Variants in LRRTM3 observed in about 807,000 individuals in gnomAD.
LRRTM3 encodes leucine rich repeat transmembrane neuronal 3.
LRRTM3 carries 24 observed loss-of-function variants against 44.7 expected under a neutral mutation model. The ratio of observed to expected loss-of-function variants is 0.54; its 90% CI spans 0.39 to 0.76. The LOEUF (loss-of-function observed/expected upper bound fraction) is 0.76, where lower values mean the gene tolerates loss of function less well. Ranked by LOEUF, LRRTM3 falls within the 30% of genes least tolerant of loss-of-function variation. The pLI is 0.00. For missense variants in LRRTM3, 587 were observed against 702.2 expected (o/e 0.84, Z 1.85); for synonymous variants, 277 against 278.7 (o/e 0.99, Z 0.06).
chr10:66,928,929 T>G (rs1205594449), intron 2 of LRRTM3, among the ~76,000 whole-genome samples: 1 of 152,124 alleles, frequency 6.6e-6, no homozygotes, highest in Admixed American at 6.5e-5. Context: ...TATGGGAACA[T>G]TTTACAGACA....
At position 67,083,691 on chromosome 10, in the gene LRRTM3, T is replaced by C. The variant is rs548946460; in HGVS notation, c.1537-13896T>C. On this transcript the variant is annotated intron_variant, in intron 2 of 2. Transcript: ENST00000361320. ...GGCTTTCCCTCTACCCTATCAATAATACATATATGTCTCAGTTTCATGTCC... is the reference window on the plus strand; with the variant it reads ...GGCTTTCCCTCTACCCTATCAATAACACATATATGTCTCAGTTTCATGTCC... Among the ~76,000 whole-genome samples, 5 of 152,278 alleles carry C rather than the reference T, an allele frequency of 3.3e-5. No individual in the cohort carries two copies. The South Asian group carries it at 8.3e-4, about 25-fold the overall frequency.
chr10:66,928,433 C>T lies in LRRTM3; in HGVS notation c.1517C>T (p.Ser506Leu), dbSNP rs756957377. The T allele has an allele frequency of 9.9e-6, 16 of 1,609,462 alleles. No homozygotes were observed. Among genetic ancestry groups the T allele is most frequent in the Non-Finnish European group, 1.3e-5 (15 of 1,178,396 alleles). ...ACGGGACCCTGCACCTATAACAAAT[C>T]GGGCTCCAGGGAGTGTGAGGTATGA... Reference protein sequence around the residue: ...NGTGPCTYNKSGSRECEIPLS... With the variant: ...NGTGPCTYNKLGSRECEIPLS... The change falls in exon 2 of 3, where the codon TCG becomes TTG. Residue 506 changes from serine (S) to leucine (L), a missense_variant. Around this residue, in one of 3 missense-constraint regions of LRRTM3, gnomAD observed 315 missense variants for 335.6 expected, o/e 0.94. Coordinates refer to ENST00000361320, the MANE Select transcript of LRRTM3 (RefSeq NM_178011.5).
At chr10:66,937,047 G>A (rs1847746786) in intron 2 of LRRTM3, among the ~76,000 whole-genome samples, 1 of 152,100 alleles carries the variant, frequency 6.6e-6, no homozygotes, top group African/African-American at 2.4e-5. Context: ...AGCCAAGGCA[G>A]GGTAAATAAT....
At chr10:67,025,153 A>AAAGGAAGGAAGGAAGGAAGGAAGG (rs1221696371) in intron 2 of LRRTM3, among the ~76,000 whole-genome samples, 1 of 149,246 alleles carries the variant, frequency 6.7e-6, no homozygotes, top group African/African-American at 2.5e-5. Context: ...AAAAAGAAAG[A>AAAGGAAGGAAGGAAGGAAGGAAGG]AAGGAAGGAA....
At position 67,097,580 on chromosome 10, in the gene LRRTM3, TC is replaced by T. The variant is rs753802889; in HGVS notation, c.1537-3del. 47 of 1,611,082 alleles carry T rather than the reference TC, an allele frequency of 2.9e-5. No homozygotes were observed. The highest frequency in any genetic ancestry group is 3.9e-5 in the Non-Finnish European group (46 of 1,178,156). On this transcript the variant is annotated splice_region_variant and splice_polypyrimidine_tract_variant and intron_variant, in intron 2 of 2. Transcript: ENST00000361320. ...TAACTGACTTTTCTCATGTCATTTT[TC>T]CCCAGATACCTTTATCAATGAATGT...
intron 2 of LRRTM3, among the ~76,000 whole-genome samples, chr10:67,080,890 G>GAGAGC (rs1329576047): frequency 6.7e-6 from 1 of 149,314 alleles, no homozygotes; most frequent in African/African-American, 2.5e-5. Flanking sequence ...GCCTGGGCGA[G>GAGAGC]AGAGCGAGAC....
chr10:66,942,987 C>T (rs1392343115), intron 2 of LRRTM3, among the ~76,000 whole-genome samples: 6 of 152,134 alleles, frequency 3.9e-5, no homozygotes, highest in Non-Finnish European at 8.8e-5. Flanking sequence ...ACTTTTCTTT[C>T]TTCCCAGGGC....
intron 2 of LRRTM3, among the ~76,000 whole-genome samples, chr10:67,032,580 A>G (rs1342992472): frequency 6.6e-6 from 1 of 152,206 alleles, no homozygotes; most frequent in Non-Finnish European, 1.5e-5. Context: ...ACTGCCAGGT[A>G]TTAAGCATCA....
At chr10:67,070,105 A>G (rs1463783840) in intron 2 of LRRTM3, among the ~76,000 whole-genome samples, 3 of 152,296 alleles carry the variant, frequency 2.0e-5, no homozygotes, top group South Asian at 2.1e-4. Flanking sequence ...AGTGTGTAGT[A>G]TTATCACATT....
Position 66,926,186 on chromosome 10 carries a change from G to A in LRRTM3, c.-398G>A, listed in dbSNP as rs1346088475. The A allele has an allele frequency of 1.7e-5, 8 of 457,676 alleles. No homozygotes were observed. Among genetic ancestry groups the A allele is most frequent in the Non-Finnish European group, 3.1e-5 (7 of 229,062 alleles). The allele number at this position is 457,676 out of a possible 1,614,324, so 28.4% of individuals were successfully genotyped here. On this transcript the variant is annotated 5_prime_UTR_variant, in exon 1 of 3. The change creates a new upstream start codon in the 5' untranslated region. Transcript: ENST00000361320. ...AACTGCTGGGGTATGGAATACAGAT[G>A]TGGCAGCTCAGGTAGCCCCAAATTG...
rs574210070 is a variant in LRRTM3, at chr10:66,955,846, C to T, written c.1536+27394C>T. The stretch of plus-strand genomic sequence containing the variant: ...GATGAGGGATTTCAAATTCTTGGAG[C>T]CCATTGTGTCTCACCTTCATCACCA... On this transcript the variant is annotated intron_variant, in intron 2 of 2. Coordinates refer to ENST00000361320, the MANE Select transcript of LRRTM3 (RefSeq NM_178011.5). 3.7e-4 allele frequency among the ~76,000 whole-genome samples: 57 copies of T among 152,226 alleles called. No individual in the cohort carries two copies. In the South Asian group the frequency reaches 0.012, roughly 32 times the overall value.
intron 2 of LRRTM3, among the ~76,000 whole-genome samples, chr10:67,063,318 C>A (rs1439428834): frequency 6.6e-6 from 1 of 152,102 alleles, no homozygotes; most frequent in Non-Finnish European, 1.5e-5. Context: ...TTTTGGGGAA[C>A]AACATAGCCT....
chr10:66,978,234 T>G (rs1460144850), intron 2 of LRRTM3, among the ~76,000 whole-genome samples: 1 of 151,948 alleles, frequency 6.6e-6, no homozygotes, highest in Non-Finnish European at 1.5e-5. Flanking sequence ...GTTAACAATA[T>G]TGTATTGTGG....
intron 2 of LRRTM3, among the ~76,000 whole-genome samples, chr10:66,992,140 CA>C (rs1332684170): frequency 2.0e-5 from 3 of 152,180 alleles, no homozygotes; most frequent in Non-Finnish European, 4.4e-5. Flanking sequence ...TTCCAGCCAG[CA>C]GTGAATGAAA....
At chr10:66,931,248 A>G (rs185518370) in intron 2 of LRRTM3, among the ~76,000 whole-genome samples, 2 of 151,534 alleles carry the variant, frequency 1.3e-5, no homozygotes. Flanking sequence ...AACACAGAAT[A>G]CTTTGCTTTA....
At chr10:66,929,077 G>C (rs141795067) in intron 2 of LRRTM3, among the ~76,000 whole-genome samples, 1 of 152,326 alleles carries the variant, frequency 6.6e-6, no homozygotes, top group East Asian at 1.9e-4. Context: ...CAGGGACAAA[G>C]TGATGAAGGG....
intron 2 of LRRTM3, among the ~76,000 whole-genome samples, chr10:66,992,483 G>A (rs552549825): frequency 1.3e-5 from 2 of 148,944 alleles, no homozygotes; most frequent in African/African-American, 5.0e-5. Flanking sequence ...TTCTTTGTCA[G>A]TTCTAGTTTT....
intron 2 of LRRTM3, among the ~76,000 whole-genome samples, chr10:67,084,410 T>C (rs1400462857): frequency 6.6e-6 from 1 of 152,000 alleles, no homozygotes; most frequent in Non-Finnish European, 1.5e-5. Context: ...ACATCATGAA[T>C]ACATTTTAAA....
chr10:66,999,909 T>C (rs1851578645), intron 2 of LRRTM3, among the ~76,000 whole-genome samples: 1 of 152,206 alleles, frequency 6.6e-6, no homozygotes, highest in Admixed American at 6.5e-5. Context: ...TTGAAGGTCA[T>C]CTGATTTGTT....
Sources: allele counts gnomAD v4.1 joint callset (sites outside exome capture counted in the v4.1 genomes callset), GRCh38; gene constraint gnomAD v4.1.1; regional missense constraint gnomAD v4.1.1; transcripts MANE v1.5; gene names NCBI Gene and HGNC (gene_info 2026-07-23, HGNC 2026-07-21).